The following FCRL3 variants were observed in gnomAD, a reference collection of about 807,000 sequenced individuals.
The protein encoded by FCRL3 is Fc receptor-like protein 3.
In FCRL3, 89 loss-of-function variants were observed where a neutral mutation model predicts 75.0. That is an observed-to-expected ratio of 1.19 (90% CI 1.00 to 1.42). The LOEUF (loss-of-function observed/expected upper bound fraction) is 1.42, where lower values mean the gene tolerates loss of function less well. FCRL3 is among the 40% of genes most tolerant of loss of function. The pLI is 0.00. For synonymous variants in FCRL3, 376 were observed against 348.5 expected, an observed-to-expected ratio of 1.08 and a Z score of -0.88; for missense variants, 946 against 880.0, an observed-to-expected ratio of 1.07 and a Z score of -0.95.
At chr1:157,699,746 C>G in intron 2 of FCRL3, 34 bp from the exon 3 acceptor site, 2 of 1,610,870 alleles carry the variant, frequency 1.2e-6, no homozygotes, top group South Asian at 1.1e-5. Context: ...ATCAGACACT[C>G]TCCGAAACAT....
At chr1:157,700,422 A>G (rs777796535) in intron 2 of FCRL3, 37 bp downstream of exon 2, 1 of 1,613,780 alleles carries the variant, frequency 6.2e-7, no homozygotes, top group Non-Finnish European at 8.5e-7. Context: ...ACCTTTAGGA[A>G]CTGAGGCCGT....
chr1:157,697,261 C>T lies in FCRL3; in HGVS notation c.723G>A (p.Arg241=). ...TGGCAGGGATCTGGAGTCTGGGGGA[C>T]CTGCTCCAGCCCAATCCGAGGGTCT... The part of the protein sequence containing the change: ...DSQTLGLGWS[R]SPRLQIPAMW... Residue 241 remains arginine, a synonymous_variant, in exon 6 of 15, where the codon AGG becomes AGA. Transcript: ENST00000368184. 1 of 1,610,972 alleles carries T rather than the reference C, an allele frequency of 6.2e-7. No individual in the cohort carries two copies. Among genetic ancestry groups the T allele is most frequent in the Non-Finnish European group, 8.5e-7 (1 of 1,178,126 alleles).
intron 8 of FCRL3, among the ~76,000 whole-genome samples, chr1:157,693,285 A>AAG (rs1482310353): frequency 2.0e-5 from 3 of 151,582 alleles, no homozygotes; most frequent in Admixed American, 6.6e-5. Context: ...AAAAAAAAAA[A>AAG]AAAAAAAAAA....
Position 157,697,216 on chromosome 1 carries a change from C to A in FCRL3, c.768G>T (p.Gly256=). 1.3e-6 allele frequency: 2 copies of A among 1,593,594 alleles called. No homozygotes were observed. Among genetic ancestry groups the A allele is most frequent in the Non-Finnish European group, 1.7e-6 (2 of 1,169,372 alleles). The change falls in exon 6 of 15, where the codon GGG becomes GGT. Residue 256 remains glycine, a synonymous_variant. Coordinates refer to ENST00000368184, the MANE Select transcript of FCRL3 (RefSeq NM_052939.4). ...CTGTCTCCACCTCACACCAGTAAGA[C>A]CCTGAGTCTTCAGTCCACATGGCAG... The part of the protein sequence containing the change: ...QIPAMWTEDS[G]SYWCEVETVT...
intron 11 of FCRL3, among the ~76,000 whole-genome samples, chr1:157,681,621 T>A (rs914331974): frequency 2.0e-5 from 3 of 152,144 alleles, no homozygotes; most frequent in African/African-American, 7.2e-5. Flanking sequence ...ATGTGCCACA[T>A]TTTCTTAATC....
chr1:157,689,593 CAAATT>C (rs902954171), intron 10 of FCRL3, among the ~76,000 whole-genome samples, 200 bp downstream of exon 10: 2 of 152,082 alleles, frequency 1.3e-5, no homozygotes, highest in Non-Finnish European at 2.9e-5. Flanking sequence ...ATATAAATCT[CAAATT>C]AAACACATGA....
chr1:157,700,673 C>T lies in FCRL3; in HGVS notation c.-108G>A, dbSNP rs968867373. ...GTGAATGTGGCTACCTTCCTAAATG[C>T]TGTTTGTATCTCAATCCCGGTAGTG... On this transcript the variant is annotated 5_prime_UTR_variant, in exon 1 of 15. Transcript: ENST00000368184. The T allele has an allele frequency of 1.6e-5, 24 of 1,458,814 alleles. No individual in the cohort carries two copies. The highest frequency in any genetic ancestry group is 1.4e-5 in the African/African-American group (1 of 69,784). 90.4% of individuals were successfully genotyped at this position (1,458,814 alleles called of 1,614,324 possible).
chr1:157,697,075 G>T, intron 6 of FCRL3, 65 bp downstream of exon 6: 1 of 1,359,444 alleles, frequency 7.4e-7, no homozygotes, highest in Non-Finnish European at 9.6e-7. Context: ...TAGGGGTGCA[G>T]GAGATATCAC....
chr1:157,697,821 A>G lies in FCRL3; in HGVS notation c.397T>C (p.Tyr133His). Residue 133 changes from tyrosine (Y) to histidine (H), a missense_variant, in exon 5 of 15, where the codon TAC becomes CAC. Physicochemically the swap from Tyr to His is moderately conservative, Grantham distance 83. Transcript: ENST00000368184. ...KDNKNTHQKV[Y>H]YKDGKQLPNS... is the part of the protein sequence containing the mutation. Reference sequence around the variant, plus strand: ...GGAAGCTGTTTTCCATCCTTGTAGTAAACCTTTTGATGAGTGTTTTTGTTG... The same window carrying G: ...GGAAGCTGTTTTCCATCCTTGTAGTGAACCTTTTGATGAGTGTTTTTGTTG... 6.2e-7 allele frequency: 1 copy of G among 1,614,178 alleles called. No individual in the cohort carries two copies. Among genetic ancestry groups the G allele is most frequent in the Non-Finnish European group, 8.5e-7 (1 of 1,180,034 alleles).
rs141595975 is a variant in FCRL3, at chr1:157,686,811, T to C, written c.1810+2987A>G. Among the ~76,000 whole-genome samples, 982 of 152,222 alleles carry C rather than the reference T, an allele frequency of 6.5e-3. 6 individuals carry two copies. The highest frequency in any genetic ancestry group is 9.5e-3 in the Non-Finnish European group (647 of 67,980). ...ATTCAGGATGGATCAAAGATTTAAA[T>C]GTAGGACTCCAAACTATAAAATTCC... On this transcript the variant is annotated intron_variant, in intron 10 of 14. Transcript: ENST00000368184.
At chr1:157,691,473 T>C (rs1417382681) in intron 8 of FCRL3, among the ~76,000 whole-genome samples, 4 of 152,174 alleles carry the variant, frequency 2.6e-5, no homozygotes, top group Admixed American at 6.5e-5. Context: ...ATGTGGAAAC[T>C]ATTCACTGAA....
At chr1:157,700,411 C>G (rs747621528) in intron 2 of FCRL3, 48 bp downstream of exon 2, 2 of 1,612,958 alleles carry the variant, frequency 1.2e-6, no homozygotes, top group African/African-American at 2.7e-5. Flanking sequence ...TTTCCCTGGT[C>G]ACCTTTAGGA....
At chr1:157,695,893 C>T (rs1262688496) in intron 7 of FCRL3, 147 bp downstream of exon 7, 1 of 565,046 alleles carries the variant, frequency 1.8e-6, no homozygotes, top group East Asian at 3.5e-5. Context: ...ATATCTCTCT[C>T]TCTCTCTCTC....
Position 157,677,339 on chromosome 1 carries a change from A to G in FCRL3, c.*1371T>C. On this transcript the variant is annotated 3_prime_UTR_variant, in exon 15 of 15. Coordinates refer to ENST00000368184, the MANE Select transcript of FCRL3 (RefSeq NM_052939.4). ...ATGTAAGACATTCCCTAGGGACTCC[A>G]AGAAATATTGATTAGAGGAAGATGT... 2.0e-6 allele frequency: 2 copies of G among 986,346 alleles called. No individual in the cohort carries two copies. The highest frequency in any genetic ancestry group is 9.4e-5 in the South Asian group (2 of 21,348). The allele number at this position is 986,346 out of a possible 1,614,324, so 61.1% of individuals were successfully genotyped here.
At chr1:157,688,882 A>C (rs1186294384) in intron 10 of FCRL3, among the ~76,000 whole-genome samples, 1 of 152,320 alleles carries the variant, frequency 6.6e-6, no homozygotes, top group South Asian at 2.1e-4. Context: ...CTACTTCGAC[A>C]TTCAAAATTC....
At position 157,679,374 on chromosome 1, in the gene FCRL3, G is replaced by A. The variant is rs547389327; in HGVS notation, c.2027-401C>T. Among the ~76,000 whole-genome samples, 11 of 152,314 alleles carry A rather than the reference G, an allele frequency of 7.2e-5. No individual in the cohort carries two copies. In the South Asian group the frequency reaches 2.3e-3, roughly 32 times the overall value. ...CTATGGCTGTATTGATCCTCTGGGA[G>A]AAGGAGGCAGATATGAGTCACTTCA... On this transcript the variant is annotated intron_variant, in intron 13 of 14. Coordinates refer to ENST00000368184, the MANE Select transcript of FCRL3 (RefSeq NM_052939.4).
chr1:157,681,443 C>T (rs1654842220), intron 11 of FCRL3, among the ~76,000 whole-genome samples: 1 of 137,938 alleles, frequency 7.2e-6, no homozygotes, highest in Non-Finnish European at 1.5e-5. Context: ...CTTCCTGTGT[C>T]CATGTGTTCT....
At chr1:157,685,810 C>T (rs955784088) in intron 10 of FCRL3, among the ~76,000 whole-genome samples, 24 of 151,992 alleles carry the variant, frequency 1.6e-4, no homozygotes, top group African/African-American at 5.6e-4. Context: ...TCAAAACTAA[C>T]AAATACATGG....
chr1:157,679,830 C>CAAAAAAAAAAAAAAAAAAAAAAAA (rs1166825112), intron 13 of FCRL3, among the ~76,000 whole-genome samples: 1 of 49,904 alleles, frequency 2.0e-5, no homozygotes, highest in African/African-American at 9.1e-5. Context: ...CCCCATCTCA[C>CAAAAAAAAAAAAAAAAAAAAAAAA]AAAAAAAAAA....
Sources: allele counts gnomAD v4.1 joint callset (sites outside exome capture counted in the v4.1 genomes callset), GRCh38; gene constraint gnomAD v4.1.1; transcripts MANE v1.5; gene names NCBI Gene and HGNC (gene_info 2026-07-23, HGNC 2026-07-21).